Variants in ANKRD30A observed in about 807,000 individuals in gnomAD.
ANKRD30A encodes the protein ankyrin repeat domain-containing protein 30A.
A neutral mutation model predicts 166.3 loss-of-function variants in ANKRD30A; 170 were observed. The observed-to-expected ratio is 1.02, with a 90% CI of 0.90 to 1.16. The LOEUF (loss-of-function observed/expected upper bound fraction) is 1.16. Among genes scored for constraint, ANKRD30A ranks in the 50% most tolerant of loss-of-function variants. The pLI is 0.00. For missense variants in ANKRD30A, 1,630 were observed against 1,518.0 expected, an observed-to-expected ratio of 1.07 and a Z score of -1.23; for synonymous variants, 564 against 508.9, an observed-to-expected ratio of 1.11 and a Z score of -1.46.
intron 6 of ANKRD30A, among the ~76,000 whole-genome samples, 196 bp downstream of exon 6, chr10:37,136,867 T>C (rs1468040627): frequency 6.6e-6 from 1 of 151,180 alleles, no homozygotes; most frequent in Non-Finnish European, 1.5e-5. Flanking sequence ...GATTTGATTT[T>C]TTGGTTTATA....
rs544557187 is a variant in ANKRD30A, at chr10:37,194,570, C to A, written c.2614+1312C>A. ...TTAGCCAGGATGGTCTGATCCGGAT[C>A]TCCTGACCTTGTGATGCGCCCGTCT... On this transcript the variant is annotated intron_variant, in intron 27 of 35. Coordinates refer to ENST00000361713, the MANE Select transcript of ANKRD30A (RefSeq NM_052997.3). Among the ~76,000 whole-genome samples the A allele has an allele frequency of 2.0e-5, 3 of 152,128 alleles. No individual in the cohort carries two copies. In the East Asian group the frequency reaches 5.8e-4, roughly 30 times the overall value.
intron 31 of ANKRD30A, among the ~76,000 whole-genome samples, chr10:37,214,315 A>G (rs761519333): frequency 2.0e-5 from 3 of 151,472 alleles, no homozygotes; most frequent in Non-Finnish European, 4.4e-5. Context: ...TATTTCTTAT[A>G]GGCATTACAC....
At chr10:37,203,443 T>G (rs1383571478) in intron 31 of ANKRD30A, among the ~76,000 whole-genome samples, 1 of 152,204 alleles carries the variant, frequency 6.6e-6, no homozygotes, top group Non-Finnish European at 1.5e-5. Context: ...CAGCACTTCA[T>G]GCTAAAAACT....
At chr10:37,147,332 T>C in intron 8 of ANKRD30A, 38 bp from the exon 9 acceptor site, 14 of 1,454,286 alleles carry the variant, frequency 9.6e-6, no homozygotes, top group Non-Finnish European at 1.3e-5. Context: ...GCTTATGATT[T>C]TAAAACTGAA....
chr10:37,258,708 A>G, the ANKRD30A span, among the ~76,000 whole-genome samples: 19 of 151,394 alleles, frequency 1.3e-4, no homozygotes, highest in African/African-American at 4.4e-4. Context: ...TCATGCCTGG[A>G]ATCCCAGCAC....
intron 29 of ANKRD30A, among the ~76,000 whole-genome samples, chr10:37,198,865 A>C (rs867628715): frequency 2.6e-5 from 4 of 152,224 alleles, no homozygotes; most frequent in South Asian, 2.1e-4. Context: ...AACCTGATTC[A>C]AATAGTTGTA....
At chr10:37,213,515 C>A (rs1286135488) in intron 31 of ANKRD30A, among the ~76,000 whole-genome samples, 1 of 150,866 alleles carries the variant, frequency 6.6e-6, no homozygotes, top group Non-Finnish European at 1.5e-5. Flanking sequence ...TCATCATTTC[C>A]TTTCCTCTGC....
intron 5 of ANKRD30A, 115 bp downstream of exon 5, chr10:37,134,168 A>G: frequency 1.6e-6 from 2 of 1,229,818 alleles, no homozygotes; most frequent in Non-Finnish European, 2.3e-6. Flanking sequence ...TAGACTAGTT[A>G]GAAGGAGTAT....
chr10:37,167,555 T>C (rs570728855), intron 19 of ANKRD30A, among the ~76,000 whole-genome samples: 2 of 151,934 alleles, frequency 1.3e-5, no homozygotes, highest in South Asian at 4.2e-4. Flanking sequence ...TAGAAAATGT[T>C]ATTAATATTT....
At chr10:37,243,133 A>AT in the ANKRD30A span, among the ~76,000 whole-genome samples, 4 of 149,510 alleles carry the variant, frequency 2.7e-5, no homozygotes, top group East Asian at 7.8e-4. Context: ...TTAATTTCCA[A>AT]ATTTTTTTTT....
chr10:37,231,491 C>G lies in ANKRD30A; in HGVS notation c.*22C>G. On this transcript the variant is annotated 3_prime_UTR_variant, in exon 35 of 36. Transcript: ENST00000361713. ...ATGAGAGACAAGCAGTAAGAAACTT[C>G]TTTTGGAGAAACAACAGACCAGATC... 1.3e-6 allele frequency: 2 copies of G among 1,581,594 alleles called. No individual in the cohort carries two copies. The highest frequency in any genetic ancestry group is 1.7e-6 in the Non-Finnish European group (2 of 1,161,462).
Position 37,133,942 on chromosome 10 carries a change from A to G in ANKRD30A, c.644A>G (p.His215Arg), listed in dbSNP as rs1341142162. ...ACAGCCCTCATGCTTGCTGTATGTCATGGATCATCAGAGATAGTTGGCATG... is the reference window on the plus strand; with the variant it reads ...ACAGCCCTCATGCTTGCTGTATGTCGTGGATCATCAGAGATAGTTGGCATG... Reference protein sequence around the residue: ...KCTALMLAVCHGSSEIVGMLL... With the variant: ...KCTALMLAVCRGSSEIVGMLL... The change falls in exon 5 of 36, where the codon CAT becomes CGT. Residue 215 changes from histidine to arginine, a missense_variant. By Grantham distance (29) the His-to-Arg change is conservative. Around this residue, in one of 4 missense-constraint regions of ANKRD30A, gnomAD observed 904 missense variants for 818.5 expected, o/e 1.10. Coordinates refer to ENST00000361713, the MANE Select transcript of ANKRD30A (RefSeq NM_052997.3). 1.2e-6 allele frequency: 2 copies of G among 1,613,970 alleles called. No individual in the cohort carries two copies. Among genetic ancestry groups the G allele is most frequent in the East Asian group, 2.2e-5 (1 of 44,876 alleles).
At chr10:37,205,745 A>G (rs779817759) in intron 31 of ANKRD30A, among the ~76,000 whole-genome samples, 1 of 152,190 alleles carries the variant, frequency 6.6e-6, no homozygotes, top group Non-Finnish European at 1.5e-5. Flanking sequence ...TTTTTTCAGT[A>G]TTGTCTAGAA....
chr10:37,249,103 T>C, the ANKRD30A span, among the ~76,000 whole-genome samples: 1 of 152,136 alleles, frequency 6.6e-6, no homozygotes, highest in Non-Finnish European at 1.5e-5. Context: ...GTTCCCTCTC[T>C]AGGTCTCAGT....
At position 37,158,332 on chromosome 10, in the gene ANKRD30A, T is replaced by G. The variant is rs1838542470; in HGVS notation, c.1799-60T>G. 5 of 1,559,772 alleles carry G rather than the reference T, an allele frequency of 3.2e-6. No individual in the cohort carries two copies. In the South Asian group the frequency reaches 4.5e-5, roughly 14 times the overall value. On this transcript the variant is annotated intron_variant, in intron 13 of 35. Coordinates refer to ENST00000361713, the MANE Select transcript of ANKRD30A (RefSeq NM_052997.3). ...CATCTTCATGTTCACACTGTGTGAATGTTCGGTAGGCTTTGTCAGGCTTGC... is the reference window on the plus strand; with the variant it reads ...CATCTTCATGTTCACACTGTGTGAAGGTTCGGTAGGCTTTGTCAGGCTTGC...
chr10:37,254,059 C>T, the ANKRD30A span, among the ~76,000 whole-genome samples: 3 of 152,172 alleles, frequency 2.0e-5, no homozygotes, highest in African/African-American at 7.2e-5. Context: ...TTTTGCTTGC[C>T]AATTCACTGT....
At chr10:37,227,457 T>C (rs114858381) in intron 34 of ANKRD30A, among the ~76,000 whole-genome samples, 124 of 152,068 alleles carry the variant, frequency 8.2e-4, no homozygotes, top group African/African-American at 2.9e-3. Context: ...TGCAGGTCTG[T>C]TTTTGGATTC....
At chr10:37,235,245 C>G (rs1378826733), downstream of ANKRD30A, among the ~76,000 whole-genome samples, 6 of 151,984 alleles carry the variant, frequency 3.9e-5, no homozygotes, top group Middle Eastern at 3.2e-3. Flanking sequence ...ATTCATTTTT[C>G]CCCCACAAGG....
intron 15 of ANKRD30A, 45 bp from the exon 16 acceptor site, chr10:37,162,604 G>A (rs549531740): frequency 3.1e-6 from 5 of 1,607,904 alleles, no homozygotes; most frequent in Non-Finnish European, 3.4e-6. Flanking sequence ...TGGTTGGCTT[G>A]TCATATTTAC....
Sources: gnomAD v4.1 joint callset for allele counts (sites outside exome capture counted in the v4.1 genomes callset) on GRCh38, gnomAD v4.1.1 for gene constraint, gnomAD v4.1.1 regional missense constraint, MANE v1.5 for transcripts, NCBI Gene and HGNC (gene_info 2026-07-23, HGNC 2026-07-21) for gene names.